The following DRD3 variants were observed in gnomAD, a reference collection of about 807,000 sequenced individuals.
DRD3 encodes dopamine receptor D3, also known as D(3) dopamine receptor.
DRD3 carries 19 observed loss-of-function variants against 36.3 expected under a neutral mutation model. That is an observed-to-expected ratio of 0.52 (90% CI 0.36 to 0.77). The LOEUF (loss-of-function observed/expected upper bound fraction) is 0.77. Among genes scored for constraint, DRD3 ranks in the 30% least tolerant of loss-of-function variants. DRD3 has a pLI of 0.00. For missense variants in DRD3, 465 were observed against 505.3 expected (o/e 0.92, Z 0.77); for synonymous variants, 195 against 203.7 (o/e 0.96, Z 0.36).
chr3:114,164,999 C>A (rs1348584449), intron 2 of DRD3, among the ~76,000 whole-genome samples: 2 of 152,242 alleles, frequency 1.3e-5, no homozygotes, highest in African/African-American at 4.8e-5. Flanking sequence ...GATCCACCCA[C>A]CTCGGCCTCC....
Position 114,139,638 on chromosome 3 carries a change from C to T in DRD3, c.585G>A (p.Val195=). The T allele has an allele frequency of 6.2e-7, 1 of 1,614,158 alleles. No homozygotes were observed. Among genetic ancestry groups the T allele is most frequent in the Non-Finnish European group, 8.5e-7 (1 of 1,180,032 alleles). The change falls in exon 5 of 7, where the codon GTG becomes GTA. Residue 195 remains valine (V), a synonymous_variant. Coordinates refer to ENST00000383673, the MANE Select transcript of DRD3 (RefSeq NM_000796.6). ...NPDFVIYSSV[V]SFYLPFGVTV... is the part of the protein sequence containing the mutation. Reference sequence around the variant, plus strand: ...TCACTCCAAAGGGCAGGTAGAAGGACACCACTGAAGAGTAGATGACAAAAT... The same window carrying T: ...TCACTCCAAAGGGCAGGTAGAAGGATACCACTGAAGAGTAGATGACAAAAT...
intron 2 of DRD3, among the ~76,000 whole-genome samples, chr3:114,165,125 C>CA (rs2077771130): frequency 6.6e-6 from 1 of 152,046 alleles, no homozygotes; most frequent in Admixed American, 6.5e-5. Flanking sequence ...ATATAATTGT[C>CA]AAAGTATTTA....
At chr3:114,147,658 T>C (rs921522403) in intron 3 of DRD3, 101 bp from the exon 4 acceptor site, 58 of 1,388,280 alleles carry the variant, frequency 4.2e-5, no homozygotes, top group Non-Finnish European at 5.2e-5. Context: ...AGGGTCTCAC[T>C]CTGTCACCCA....
chr3:114,159,244 G>A (rs915398148), intron 3 of DRD3, among the ~76,000 whole-genome samples: 1 of 151,960 alleles, frequency 6.6e-6, no homozygotes, highest in Non-Finnish European at 1.5e-5. Flanking sequence ...ATAGATCACA[G>A]CCATGCTTTC....
intron 2 of DRD3, among the ~76,000 whole-genome samples, chr3:114,162,866 A>G (rs914524530): frequency 6.6e-6 from 1 of 152,220 alleles, no homozygotes; most frequent in African/African-American, 2.4e-5. Flanking sequence ...GACAGACCAT[A>G]TCATCTCCTT....
intron 3 of DRD3, among the ~76,000 whole-genome samples, chr3:114,158,648 T>C (rs1434492907): frequency 1.3e-5 from 2 of 152,206 alleles, no homozygotes; most frequent in African/African-American, 4.8e-5. Context: ...TAGCCAATGT[T>C]TATACCATAA....
intron 1 of DRD3, among the ~76,000 whole-genome samples, chr3:114,196,391 T>C (rs2107908455): frequency 6.6e-6 from 1 of 152,324 alleles, no homozygotes; most frequent in Admixed American, 6.5e-5. Flanking sequence ...CATAGCTCAC[T>C]GAAGCCTGCA....
chr3:114,133,020 C>T (rs1402784226), intron 5 of DRD3, among the ~76,000 whole-genome samples: 1 of 149,172 alleles, frequency 6.7e-6, no homozygotes, highest in Non-Finnish European at 1.5e-5. Flanking sequence ...GACAGACTTT[C>T]GCTCTTGTTG....
rs893934077 is a variant in DRD3 at position 114,160,310 on chromosome 3, G to T, written c.271-443C>A. On this transcript the variant is annotated intron_variant, in intron 2 of 6. Transcript: ENST00000383673. ...TGCCCAGGTTGGAGTGCAATGGTGCGATCTCGGCTCACCACAACCTCCACC... is the reference window on the plus strand; with the variant it reads ...TGCCCAGGTTGGAGTGCAATGGTGCTATCTCGGCTCACCACAACCTCCACC... Among the ~76,000 whole-genome samples the T allele has an allele frequency of 4.6e-5, 7 of 152,010 alleles. No homozygotes were observed. The South Asian group carries it at 1.5e-3, about 32-fold the overall frequency.
At chr3:114,157,660 T>C (rs904781230) in intron 3 of DRD3, among the ~76,000 whole-genome samples, 1 of 152,192 alleles carries the variant, frequency 6.6e-6, no homozygotes. Context: ...AAAATGAATA[T>C]GAACACACTT....
rs755320341 is a variant in DRD3, at chr3:114,159,860, C to T, written c.278G>A (p.Gly93Asp). 5.0e-6 allele frequency: 8 copies of T among 1,613,938 alleles called. No homozygotes were observed. The African/African-American group carries it at 8.0e-5, about 16-fold the overall frequency. Residue 93 changes from glycine (G) to aspartate (D), a missense_variant, in exon 3 of 7, where the codon GGT becomes GAT. By Grantham distance (94) the Gly-to-Asp change is moderately conservative. Transcript: ENST00000383673. Reference sequence around the variant, plus strand: ...AATGCGGCTGAAATTCCAGACTCCACCTGTCACCTGGGTATCAGAGACAAG... The same window carrying T: ...AATGCGGCTGAAATTCCAGACTCCATCTGTCACCTGGGTATCAGAGACAAG... ...MPWVVYLEVT[G>D]GVWNFSRICC...
intron 3 of DRD3, among the ~76,000 whole-genome samples, chr3:114,156,781 T>G (rs1164242827): frequency 6.4e-5 from 8 of 124,774 alleles, no homozygotes; most frequent in African/African-American, 2.1e-4. Flanking sequence ...CTTTCTTTCT[T>G]TCTTTCTTTC....
At chr3:114,173,512 G>A (rs766551690) in intron 1 of DRD3, among the ~76,000 whole-genome samples, 4 of 152,168 alleles carry the variant, frequency 2.6e-5, no homozygotes, top group Non-Finnish European at 4.4e-5. Flanking sequence ...GGGAGACTGT[G>A]CCATAAATGT....
intron 3 of DRD3, among the ~76,000 whole-genome samples, chr3:114,156,743 T>TTCTTTCTTTC (rs1286313199): frequency 9.7e-5 from 2 of 20,688 alleles, no homozygotes; most frequent in Non-Finnish European, 3.1e-4. Context: ...CTTTCTTTCT[T>TTCTTTCTTTC]TTTCTTTCTT....
intron 4 of DRD3, among the ~76,000 whole-genome samples, chr3:114,143,753 A>G (rs542850077): frequency 6.6e-6 from 1 of 152,326 alleles, no homozygotes; most frequent in African/African-American, 2.4e-5. Context: ...TCAAATAAAT[A>G]GCACTCCTCC....
chr3:114,192,173 G>T (rs1191197721), intron 1 of DRD3, among the ~76,000 whole-genome samples: 1 of 152,202 alleles, frequency 6.6e-6, no homozygotes, highest in Non-Finnish European at 1.5e-5. Context: ...CTCTGACTGG[G>T]CCTAAGTTGG....
rs1370159112 is a variant in DRD3 at position 114,127,846 on chromosome 3, T to C, written c.*870A>G. The stretch of plus-strand genomic sequence containing the variant: ...AATGTCATGATGTGGTCCACTATAT[T>C]GGGTCCCTGTTAAGCAGAAATGGAG... On this transcript the variant is annotated 3_prime_UTR_variant, in exon 7 of 7. Coordinates refer to ENST00000383673, the MANE Select transcript of DRD3 (RefSeq NM_000796.6). Among the ~76,000 whole-genome samples the C allele has an allele frequency of 6.6e-6, 1 of 152,214 alleles. No homozygotes were observed. The highest frequency in any genetic ancestry group is 1.5e-5 in the Non-Finnish European group (1 of 68,036).
At chr3:114,146,405 C>T (rs1255722048) in intron 4 of DRD3, among the ~76,000 whole-genome samples, 1 of 152,084 alleles carries the variant, frequency 6.6e-6, no homozygotes, top group Non-Finnish European at 1.5e-5. Flanking sequence ...GGTTTAATAC[C>T]TTTCATTCGA....
intron 1 of DRD3, among the ~76,000 whole-genome samples, chr3:114,196,697 G>A (rs2078037125): frequency 6.6e-6 from 1 of 152,198 alleles, no homozygotes; most frequent in Non-Finnish European, 1.5e-5. Flanking sequence ...CTGAGGTCTA[G>A]TGGTTTTAAC....
Sources: gnomAD v4.1 joint callset for allele counts (sites outside exome capture counted in the v4.1 genomes callset) on GRCh38, gnomAD v4.1.1 for gene constraint, MANE v1.5 for transcripts, NCBI Gene and HGNC (gene_info 2026-07-23, HGNC 2026-07-21) for gene names.